The following ANO2 variants were observed in gnomAD, a reference collection of about 807,000 sequenced individuals.
ANO2 encodes the protein anoctamin 2.
A neutral mutation model predicts 124.2 loss-of-function variants in ANO2; 101 were observed. The observed-to-expected ratio is 0.81, with a 90% CI of 0.69 to 0.96. The LOEUF is 0.96. Among genes scored for constraint, ANO2 ranks in the 40% least tolerant of loss-of-function variants. The probability of loss-of-function intolerance (pLI) is 0.00; values close to 1 mark genes in which losing one functional copy is unlikely to be tolerated. For missense variants in ANO2, 1,293 were observed against 1,274.5 expected, an observed-to-expected ratio of 1.01 and a Z score of -0.22; for synonymous variants, 486 against 482.5, an observed-to-expected ratio of 1.01 and a Z score of -0.09.
intron 14 of ANO2, among the ~76,000 whole-genome samples, chr12:5,686,284 T>C (rs1374444423): frequency 2.6e-5 from 4 of 152,284 alleles, no homozygotes; most frequent in Non-Finnish European, 5.9e-5. Context: ...GCATCTTTCT[T>C]TAACCCCTAT....
chr12:5,834,927 C>A (rs1954270856), intron 4 of ANO2, among the ~76,000 whole-genome samples: 1 of 152,012 alleles, frequency 6.6e-6, no homozygotes, highest in Non-Finnish European at 1.5e-5. Flanking sequence ...GCTTTTTTTT[C>A]ATTTAGCATC....
At chr12:5,877,988 G>A (rs7309691) in intron 3 of ANO2, among the ~76,000 whole-genome samples, 12 of 151,988 alleles carry the variant, frequency 7.9e-5, no homozygotes, top group Admixed American at 5.9e-4. Flanking sequence ...GCCCACGGCC[G>A]GGGGGTTGGA....
intron 14 of ANO2, among the ~76,000 whole-genome samples, chr12:5,666,650 CTT>C (rs71445665): frequency 6.6e-6 from 1 of 152,100 alleles, no homozygotes; most frequent in African/African-American, 2.4e-5. Context: ...TAGTCCACCC[CTT>C]TTTTCCCCCT....
chr12:5,614,660 T>A (rs930792318), intron 17 of ANO2, among the ~76,000 whole-genome samples: 2 of 152,220 alleles, frequency 1.3e-5, no homozygotes, highest in African/African-American at 4.8e-5. Context: ...TTCTGAGTTC[T>A]GTGAGTCATT....
At chr12:5,609,902 AT>A (rs1944401462) in intron 19 of ANO2, among the ~76,000 whole-genome samples, 1 of 146,968 alleles carries the variant, frequency 6.8e-6, no homozygotes, top group Non-Finnish European at 1.5e-5. Context: ...ACATATAAAA[AT>A]TTGTATATAA....
At chr12:5,924,279 CAT>C (rs1941973149) in intron 1 of ANO2, among the ~76,000 whole-genome samples, 1 of 152,230 alleles carries the variant, frequency 6.6e-6, no homozygotes, top group Non-Finnish European at 1.5e-5. Flanking sequence ...ACTTGAGAAA[CAT>C]AATCTCTTTA....
At chr12:5,739,283 C>G (rs1950997188) in intron 13 of ANO2, 34 bp downstream of exon 13, 1 of 1,544,564 alleles carries the variant, frequency 6.5e-7, no homozygotes, top group African/African-American at 1.4e-5. Flanking sequence ...CAAAAGCCCA[C>G]AGAAGTATGT....
At chr12:5,717,769 A>G (rs558295860) in intron 14 of ANO2, among the ~76,000 whole-genome samples, 1 of 152,358 alleles carries the variant, frequency 6.6e-6, no homozygotes, top group East Asian at 1.9e-4. Flanking sequence ...TCAAAAAAAC[A>G]AAAGTGGAAA....
chr12:5,623,008 T>C (rs1238265515), intron 16 of ANO2, among the ~76,000 whole-genome samples: 1 of 138,086 alleles, frequency 7.2e-6, no homozygotes, highest in Non-Finnish European at 1.5e-5. Flanking sequence ...AGGAAAGAAA[T>C]GAAGAAATGG....
At chr12:5,634,931 G>GACTT (rs1042867370) in intron 16 of ANO2, among the ~76,000 whole-genome samples, 2 of 152,172 alleles carry the variant, frequency 1.3e-5, no homozygotes, top group Non-Finnish European at 2.9e-5. Flanking sequence ...CAGGCCAGAG[G>GACTT]ACTTGATCAA....
chr12:5,920,792 A>G (rs2136302147), intron 3 of ANO2, among the ~76,000 whole-genome samples: 1 of 152,260 alleles, frequency 6.6e-6, no homozygotes, highest in East Asian at 1.9e-4. Context: ...GCAGGAACCC[A>G]GGAGGCAGAG....
chr12:5,926,025 G>A (rs760084410), intron 1 of ANO2, among the ~76,000 whole-genome samples: 2 of 152,178 alleles, frequency 1.3e-5, no homozygotes, highest in Admixed American at 6.5e-5. Flanking sequence ...ATGTTTCCCA[G>A]CCCCTCAAAG....
chr12:5,846,271 A>G (rs954798380), intron 4 of ANO2, among the ~76,000 whole-genome samples: 1 of 152,164 alleles, frequency 6.6e-6, no homozygotes, highest in African/African-American at 2.4e-5. Flanking sequence ...CTCTACTTCT[A>G]TTTCATCAAA....
rs1943535989 is a variant in ANO2, at chr12:5,594,009, C to G, written c.2233+5475G>C. On this transcript the variant is annotated intron_variant, in intron 20 of 24. Coordinates refer to ENST00000682330, the MANE Select transcript of ANO2 (RefSeq NM_001364791.2). ...TAAAAGAGATGAACGAAACCTAATC[C>G]AGAAAACATTGTCCTCACACTTAAT... Among the ~76,000 whole-genome samples, 3 of 152,100 alleles carry G rather than the reference C, an allele frequency of 2.0e-5. No individual in the cohort carries two copies. The South Asian group carries it at 6.2e-4, about 32-fold the overall frequency.
chr12:5,751,024 C>T, intron 10 of ANO2, 54 bp from the exon 11 acceptor site: 1 of 1,499,226 alleles, frequency 6.7e-7, no homozygotes. Context: ...CATATACTTT[C>T]CTTATTTCTG....
At chr12:5,570,441 G>A (rs535904270) in intron 23 of ANO2, among the ~76,000 whole-genome samples, 1 of 147,150 alleles carries the variant, frequency 6.8e-6, no homozygotes, top group South Asian at 2.2e-4. Context: ...TAAATGACAT[G>A]TCATTAAACC....
intron 7 of ANO2, among the ~76,000 whole-genome samples, chr12:5,808,138 G>T (rs1454721735): frequency 6.6e-6 from 1 of 152,078 alleles, no homozygotes; most frequent in Non-Finnish European, 1.5e-5. Flanking sequence ...ACACCCTTTG[G>T]GTGTTCCCAA....
At chr12:5,564,217 A>T (rs1206951010) in intron 24 of ANO2, among the ~76,000 whole-genome samples, 1 of 152,144 alleles carries the variant, frequency 6.6e-6, no homozygotes, top group African/African-American at 2.4e-5. Flanking sequence ...GCTTGCCCCG[A>T]TTGGGTCTAG....
At chr12:5,595,783 G>A (rs74056028) in intron 20 of ANO2, among the ~76,000 whole-genome samples, 3,462 of 152,270 alleles carry the variant, frequency 0.023, 127 homozygotes, top group African/African-American at 0.077. Flanking sequence ...AGGAAGCACC[G>A]TGTAAAACTA....
Sources: allele counts gnomAD v4.1 joint callset (sites outside exome capture counted in the v4.1 genomes callset), GRCh38; gene constraint gnomAD v4.1.1; transcripts MANE v1.5; gene names NCBI Gene and HGNC (gene_info 2026-07-23, HGNC 2026-07-21).